CADM1: variants seen among roughly 807,000 people sequenced by gnomAD.
CADM1 encodes cell adhesion molecule 1, also known as TSLC-1.
In CADM1, 15 loss-of-function variants were observed where a neutral mutation model predicts 53.1. That is an observed-to-expected ratio of 0.28 (90% CI 0.19 to 0.44). The LOEUF (loss-of-function observed/expected upper bound fraction) is 0.44, where lower values mean the gene tolerates loss of function less well. Ranked by LOEUF, CADM1 falls within the 20% of genes least tolerant of loss-of-function variation. The probability of loss-of-function intolerance (pLI) is 1.00; values close to 1 mark genes in which losing one functional copy is unlikely to be tolerated. For synonymous variants in CADM1, 281 were observed against 243.0 expected, an observed-to-expected ratio of 1.16 and a Z score of -1.45; for missense variants, 434 against 611.3, an observed-to-expected ratio of 0.71 and a Z score of 3.06.
chr11:115,404,844 G>GAA (rs774430187), intron 1 of CADM1, among the ~76,000 whole-genome samples: 9 of 52,364 alleles, frequency 1.7e-4, no homozygotes, highest in East Asian at 1.2e-3. Context: ...CCTGCCTCAG[G>GAA]AAAAAAAAAA....
chr11:115,437,063 GCA>G (rs1948199683), intron 1 of CADM1, among the ~76,000 whole-genome samples: 1 of 152,124 alleles, frequency 6.6e-6, no homozygotes, highest in Non-Finnish European at 1.5e-5. Flanking sequence ...AATCTGAGCA[GCA>G]TCAAGAATTA....
intron 1 of CADM1, among the ~76,000 whole-genome samples, chr11:115,316,313 T>C (rs983341033): frequency 2.0e-5 from 3 of 152,136 alleles, no homozygotes; most frequent in African/African-American, 7.2e-5. Flanking sequence ...GAAAAGTTCA[T>C]CTTGGGAGAG....
intron 1 of CADM1, among the ~76,000 whole-genome samples, chr11:115,389,498 A>G (rs1366944469): frequency 6.6e-6 from 1 of 152,242 alleles, no homozygotes; most frequent in East Asian, 1.9e-4. Flanking sequence ...AGTTTTCAAA[A>G]ACTGAGGAGA....
At chr11:115,210,847 C>G (rs1345295366) in intron 7 of CADM1, among the ~76,000 whole-genome samples, 1 of 152,128 alleles carries the variant, frequency 6.6e-6, no homozygotes. Context: ...ATGATATCTA[C>G]CATCGATCAA....
At chr11:115,339,532 C>T (rs1215962279) in intron 1 of CADM1, among the ~76,000 whole-genome samples, 1 of 152,084 alleles carries the variant, frequency 6.6e-6, no homozygotes, top group African/African-American at 2.4e-5. Flanking sequence ...CAAATGTAAT[C>T]ATAACTTCAT....
At position 115,264,160 on chromosome 11, in the gene CADM1, T is replaced by C. The variant is rs535471583; in HGVS notation, c.125-23740A>G. On this transcript the variant is annotated intron_variant, in intron 1 of 11. Coordinates refer to ENST00000331581, the MANE Select transcript of CADM1 (RefSeq NM_001301043.2). Reference sequence around the variant, plus strand: ...CTCTTCTGAGACAATGGCTCTTTTATCTGCATTTTATCTTCCAGCTACATT... The same window carrying C: ...CTCTTCTGAGACAATGGCTCTTTTACCTGCATTTTATCTTCCAGCTACATT... 3.3e-4 allele frequency among the ~76,000 whole-genome samples: 51 copies of C among 152,326 alleles called. No homozygotes were observed. The South Asian group carries it at 1.0e-2, about 30-fold the overall frequency.
At chr11:115,432,855 A>C (rs17523053) in intron 1 of CADM1, among the ~76,000 whole-genome samples, 15,747 of 152,286 alleles carry the variant, frequency 0.1, 1,102 homozygotes, top group Non-Finnish European at 0.15. Flanking sequence ...TACAAAGAAA[A>C]AGAAATTAAC....
chr11:115,274,237 G>A (rs571322931), intron 1 of CADM1, among the ~76,000 whole-genome samples: 20 of 152,322 alleles, frequency 1.3e-4, no homozygotes, highest in African/African-American at 4.8e-4. Context: ...GACTATTCCT[G>A]CTAGGTTCCC....
intron 1 of CADM1, among the ~76,000 whole-genome samples, chr11:115,487,239 T>C (rs1949395108): frequency 6.6e-6 from 1 of 152,222 alleles, no homozygotes; most frequent in Non-Finnish European, 1.5e-5. Flanking sequence ...TTTCTCTTGT[T>C]GAAATGGTAG....
chr11:115,458,989 C>G (rs1948738039), intron 1 of CADM1, among the ~76,000 whole-genome samples: 1 of 152,170 alleles, frequency 6.6e-6, no homozygotes, highest in Non-Finnish European at 1.5e-5. Flanking sequence ...AATCACTCAT[C>G]ATGTAAACAA....
chr11:115,180,227 C>A (rs1314570865), intron 10 of CADM1, among the ~76,000 whole-genome samples: 1 of 152,094 alleles, frequency 6.6e-6, no homozygotes, highest in Non-Finnish European at 1.5e-5. Flanking sequence ...GGAAATAACT[C>A]GTGACTGAGG....
At chr11:115,484,820 G>A (rs1207677332) in intron 1 of CADM1, among the ~76,000 whole-genome samples, 1 of 151,742 alleles carries the variant, frequency 6.6e-6, no homozygotes. Context: ...GGTGGCGGGC[G>A]CCTGTAGTCC....
At chr11:115,214,225 G>A (rs903417944) in intron 7 of CADM1, among the ~76,000 whole-genome samples, 1 of 152,170 alleles carries the variant, frequency 6.6e-6, no homozygotes, top group African/African-American at 2.4e-5. Flanking sequence ...ATCAAAGCAG[G>A]AGAAAGCTAG....
intron 1 of CADM1, among the ~76,000 whole-genome samples, chr11:115,326,460 T>C (rs965344444): frequency 9.2e-5 from 14 of 152,224 alleles, no homozygotes; most frequent in African/African-American, 3.1e-4. Flanking sequence ...CTTCTTGTTA[T>C]GGTTTACTAC....
At chr11:115,469,899 T>G (rs913139917) in intron 1 of CADM1, among the ~76,000 whole-genome samples, 1 of 152,198 alleles carries the variant, frequency 6.6e-6, no homozygotes, top group Non-Finnish European at 1.5e-5. Flanking sequence ...CTTGAACTCC[T>G]GACCTCAGGT....
intron 1 of CADM1, among the ~76,000 whole-genome samples, chr11:115,250,488 T>C (rs1942567751): frequency 6.6e-6 from 1 of 152,130 alleles, no homozygotes; most frequent in Admixed American, 6.5e-5. Context: ...CTGTAACGGG[T>C]AACAATAATT....
At chr11:115,466,111 GA>G (rs950471667) in intron 1 of CADM1, among the ~76,000 whole-genome samples, 28 of 151,086 alleles carry the variant, frequency 1.9e-4, no homozygotes, top group South Asian at 1.5e-3. Context: ...AAAAAGCTAT[GA>G]AAAAAAAACT....
intron 1 of CADM1, among the ~76,000 whole-genome samples, chr11:115,263,723 CAG>C (rs1356316665): frequency 6.6e-6 from 1 of 151,956 alleles, no homozygotes; most frequent in Non-Finnish European, 1.5e-5. Context: ...TCCAGCATAA[CAG>C]AATTAAGAAT....
At chr11:115,196,579 A>T (rs1940157885) in intron 9 of CADM1, among the ~76,000 whole-genome samples, 1 of 138,468 alleles carries the variant, frequency 7.2e-6, no homozygotes, top group Non-Finnish European at 1.5e-5. Flanking sequence ...TACACTAACA[A>T]TGATAGCTGA....
Sources: gnomAD v4.1 joint callset for allele counts (sites outside exome capture counted in the v4.1 genomes callset) on GRCh38, gnomAD v4.1.1 for gene constraint, MANE v1.5 for transcripts, NCBI Gene and HGNC (gene_info 2026-07-23, HGNC 2026-07-21) for gene names.